Variants in COPG2 observed in about 807,000 individuals in gnomAD.
The protein encoded by COPG2 is coatomer subunit gamma-2.
COPG2 carries 37 observed loss-of-function variants against 46.3 expected under a neutral mutation model. The observed-to-expected ratio is 0.80, with a 90% CI of 0.61 to 1.05. The LOEUF (loss-of-function observed/expected upper bound fraction) is 1.05, where lower values mean the gene tolerates loss of function less well. Among genes scored for constraint, COPG2 ranks in the 50% least tolerant of loss-of-function variants. COPG2 has a pLI of 0.00. For synonymous variants in COPG2, 159 were observed against 129.7 expected (o/e 1.23, Z -1.53); for missense variants, 427 against 387.8 (o/e 1.10, Z -0.85).
At chr7:130,532,774 C>T (rs1487856141) in intron 20 of COPG2, among the ~76,000 whole-genome samples, 2 of 152,082 alleles carry the variant, frequency 1.3e-5, no homozygotes, top group African/African-American at 4.8e-5. Context: ...GGATCGTGAG[C>T]ATGGACAGCA....
intron 5 of COPG2, among the ~76,000 whole-genome samples, chr7:130,641,478 A>C (rs1795487475): frequency 6.6e-6 from 1 of 152,210 alleles, no homozygotes; most frequent in Non-Finnish European, 1.5e-5. Flanking sequence ...ATCAAAGAGG[A>C]GAGGAAATCC....
intron 4 of COPG2, 24 bp from the exon 5 acceptor site, chr7:130,652,972 A>C: frequency 6.8e-7 from 1 of 1,467,970 alleles, no homozygotes; most frequent in South Asian, 1.2e-5. Context: ...TATAAAAGGT[A>C]ACAGATTATT....
At chr7:130,603,765 A>AACAGTACT (rs1554450752) in intron 9 of COPG2, 4 of 468,714 alleles carry the variant, frequency 8.5e-6, no homozygotes, top group Non-Finnish European at 4.1e-6. Context: ...AATTATGAAT[A>AACAGTACT]ACAGTACTAT....
chr7:130,557,817 C>CAAAAAAAAAAAAAA lies in COPG2; in HGVS notation c.1129-2699_1129-2686dup, dbSNP rs1382087826. ...GGGCAGCAAGAATGAAACTCCATCT[C>CAAAAAAAAAAAAAA]AAAAAAAAAAAAAAAAAAAAATCAT... On this transcript the variant is annotated intron_variant, in intron 12 of 23. Transcript: ENST00000425248. Among the ~76,000 whole-genome samples the CAAAAAAAAAAAAAA allele has an allele frequency of 2.5e-4, 3 of 12,234 alleles. 1 individual carries two copies. Among genetic ancestry groups the CAAAAAAAAAAAAAA allele is most frequent in the Admixed American group, 1.6e-3 (1 of 624 alleles). 8.0% of individuals were successfully genotyped at this position (12,234 alleles called of 152,430 possible).
intron 10 of COPG2, among the ~76,000 whole-genome samples, chr7:130,563,783 A>AG (rs1165335733): frequency 9.7e-4 from 145 of 149,994 alleles, no homozygotes; most frequent in African/African-American, 3.3e-3. Context: ...AGAAAAAAAA[A>AG]AAAGAAAAAG....
At chr7:130,549,526 T>TG (rs1158470066) in intron 17 of COPG2, 150 bp from the exon 18 acceptor site, 3 of 396,132 alleles carry the variant, frequency 7.6e-6, no homozygotes, top group African/African-American at 6.2e-5. Flanking sequence ...TCACTTCTGG[T>TG]GGGGGGACAC....
In COPG2 at chr7:130,512,979, G is replaced by A. The variant is rs369583930; in HGVS notation, c.2150-4320C>T. ...GAAAAGATGTAGGATTTAGGCTGGA[G>A]TGTGGAATATAAAGTGTGGGTAGGG... On this transcript the variant is annotated intron_variant, in intron 20 of 23. Transcript: ENST00000425248. Among the ~76,000 whole-genome samples, 4 of 152,014 alleles carry A rather than the reference G, an allele frequency of 2.6e-5. No individual in the cohort carries two copies. In the East Asian group the frequency reaches 7.8e-4, roughly 30 times the overall value.
chr7:130,616,735 G>T (rs1400216417), intron 6 of COPG2, among the ~76,000 whole-genome samples: 1 of 152,102 alleles, frequency 6.6e-6, no homozygotes, highest in Non-Finnish European at 1.5e-5. Context: ...ATGGGTTTTT[G>T]TTTCCTGCAA....
At chr7:130,663,762 G>T (rs1483966801) in intron 3 of COPG2, among the ~76,000 whole-genome samples, 1 of 131,722 alleles carries the variant, frequency 7.6e-6, no homozygotes, top group East Asian at 2.1e-4. Context: ...TTTTTGAGAC[G>T]GAGTCTCACC....
intron 9 of COPG2, among the ~76,000 whole-genome samples, chr7:130,598,536 A>G (rs554002976): frequency 9.7e-4 from 148 of 152,288 alleles, no homozygotes; most frequent in African/African-American, 3.2e-3. Flanking sequence ...CTGTCAAACA[A>G]TAGGAGGCTA....
intron 12 of COPG2, among the ~76,000 whole-genome samples, chr7:130,559,026 CAAATA>C (rs1793675816): frequency 2.0e-5 from 3 of 151,866 alleles, no homozygotes; most frequent in Non-Finnish European, 4.4e-5. Flanking sequence ...AATTCAAAGT[CAAATA>C]AAATAAAAGG....
chr7:130,626,900 C>A (rs879984304), intron 5 of COPG2, among the ~76,000 whole-genome samples: 2 of 152,084 alleles, frequency 1.3e-5, no homozygotes, highest in Admixed American at 1.3e-4. Context: ...TATGTCTAGC[C>A]TCTGAGACAG....
intron 9 of COPG2, among the ~76,000 whole-genome samples, chr7:130,565,208 T>C (rs1415058589): frequency 6.6e-6 from 1 of 152,198 alleles, no homozygotes; most frequent in Non-Finnish European, 1.5e-5. Flanking sequence ...AAGTGAAGGC[T>C]AAGGCAGAGC....
intron 6 of COPG2, among the ~76,000 whole-genome samples, chr7:130,614,271 A>G (rs1234163350): frequency 6.6e-6 from 1 of 152,230 alleles, no homozygotes; most frequent in Non-Finnish European, 1.5e-5. Flanking sequence ...TAGCACTAGC[A>G]TGGTCAAGTC....
intron 5 of COPG2, among the ~76,000 whole-genome samples, chr7:130,640,726 G>A (rs538757579): frequency 6.6e-6 from 1 of 152,166 alleles, no homozygotes; most frequent in African/African-American, 2.4e-5. Flanking sequence ...AGACAGAAAG[G>A]TTTCTCAACA....
chr7:130,586,781 T>TA (rs797043224), intron 9 of COPG2, among the ~76,000 whole-genome samples: 6 of 152,038 alleles, frequency 3.9e-5, no homozygotes, highest in African/African-American at 1.4e-4. Context: ...AAAAATTTTC[T>TA]AAAAAATAAG....
chr7:130,510,118 G>A (rs1554440843), intron 20 of COPG2: 3 of 520,184 alleles, frequency 5.8e-6, no homozygotes, highest in African/African-American at 1.9e-5. Flanking sequence ...GAGATTGAAA[G>A]GTTAGAGATA....
At chr7:130,624,347 G>C (rs931413017) in intron 5 of COPG2, among the ~76,000 whole-genome samples, 13 of 152,088 alleles carry the variant, frequency 8.5e-5, no homozygotes, top group African/African-American at 3.1e-4. Context: ...CTTTTTGGTT[G>C]TTGTTGTAAA....
At chr7:130,631,970 C>T (rs1795242645) in intron 5 of COPG2, among the ~76,000 whole-genome samples, 1 of 152,066 alleles carries the variant, frequency 6.6e-6, no homozygotes, top group Non-Finnish European at 1.5e-5. Flanking sequence ...TTTTTATCAC[C>T]TTCACTTTTG....
Sources: gnomAD v4.1 joint callset for allele counts (sites outside exome capture counted in the v4.1 genomes callset) on GRCh38, gnomAD v4.1.1 for gene constraint, MANE v1.5 for transcripts, NCBI Gene and HGNC (gene_info 2026-07-23, HGNC 2026-07-21) for gene names.